The following TRAPPC3L variants were observed in gnomAD, a reference collection of about 807,000 sequenced individuals.
TRAPPC3L encodes trafficking protein particle complex subunit 3L.
Under a neutral mutation model 23.7 loss-of-function variants are expected in TRAPPC3L, and 23 were observed. The ratio of observed to expected loss-of-function variants is 0.97; its 90% CI spans 0.70 to 1.37. The LOEUF (loss-of-function observed/expected upper bound fraction) is 1.37. Among genes scored for constraint, TRAPPC3L ranks in the 40% most tolerant of loss-of-function variants. The pLI is 0.00. For missense variants in TRAPPC3L, 212 were observed against 216.8 expected, an observed-to-expected ratio of 0.98 and a Z score of 0.14; for synonymous variants, 81 against 77.9, an observed-to-expected ratio of 1.04 and a Z score of -0.21.
At chr6:116,498,782 C>T (rs1180688801) in intron 4 of TRAPPC3L, among the ~76,000 whole-genome samples, 3 of 152,188 alleles carry the variant, frequency 2.0e-5, no homozygotes, top group African/African-American at 7.2e-5. Context: ...GAAATGATCT[C>T]CTCTCTTGTT....
chr6:116,529,206 G>C (rs1772547608), intron 3 of TRAPPC3L: 1 of 152,190 alleles, frequency 6.6e-6, no homozygotes, highest in Non-Finnish European at 1.5e-5. Flanking sequence ...GAATGCCTGG[G>C]TTGCAAATCT....
intron 3 of TRAPPC3L, among the ~76,000 whole-genome samples, chr6:116,511,328 C>T (rs1772114977): frequency 6.6e-6 from 1 of 150,598 alleles, no homozygotes; most frequent in Non-Finnish European, 1.5e-5. Flanking sequence ...CGGCTGAAAC[C>T]TCTTTCTGTT....
chr6:116,509,931 A>T (rs2115162426), intron 3 of TRAPPC3L, among the ~76,000 whole-genome samples: 1 of 152,350 alleles, frequency 6.6e-6, no homozygotes, highest in South Asian at 2.1e-4. Context: ...TATGCATCTG[A>T]CAAAGGACTA....
intron 3 of TRAPPC3L, chr6:116,516,660 A>AATATATAT (rs57050552): frequency 3.4e-4 from 36 of 104,364 alleles, no homozygotes; most frequent in South Asian, 7.6e-4. Context: ...AGTAGTAACA[A>AATATATAT]ATATATATAT....
chr6:116,537,713 G>A (rs1039169476), intron 3 of TRAPPC3L, among the ~76,000 whole-genome samples: 1 of 152,140 alleles, frequency 6.6e-6, no homozygotes, highest in Non-Finnish European at 1.5e-5. Context: ...AGGAGCATTC[G>A]CAGGCTACCT....
intron 3 of TRAPPC3L, chr6:116,512,461 A>G (rs940323865): frequency 2.7e-5 from 14 of 525,654 alleles, no homozygotes; most frequent in Admixed American, 6.5e-5. Context: ...TGAAAAGAAA[A>G]TATCCACTGG....
chr6:116,514,921 A>C (rs75458266), intron 3 of TRAPPC3L, among the ~76,000 whole-genome samples: 1 of 152,206 alleles, frequency 6.6e-6, no homozygotes, highest in Non-Finnish European at 1.5e-5. Context: ...AGAGCCAAAA[A>C]AGTTAGAAGA....
chr6:116,537,695 G>A (rs1773186192), intron 3 of TRAPPC3L, among the ~76,000 whole-genome samples: 1 of 152,132 alleles, frequency 6.6e-6, no homozygotes, highest in Non-Finnish European at 1.5e-5. Flanking sequence ...AATGCATTGG[G>A]CAAGGTGAGG....
At chr6:116,510,155 T>A (rs895236398) in intron 3 of TRAPPC3L, among the ~76,000 whole-genome samples, 1 of 152,206 alleles carries the variant, frequency 6.6e-6, no homozygotes, top group Non-Finnish European at 1.5e-5. Flanking sequence ...ATAATGGCTA[T>A]TACTAAAAAG....
chr6:116,511,909 T>C (rs781319288), intron 3 of TRAPPC3L: 1 of 1,613,916 alleles, frequency 6.2e-7, no homozygotes, highest in Non-Finnish European at 8.5e-7. Flanking sequence ...TTCTGAACAA[T>C]AGGTCGTGGA....
chr6:116,541,149 G>C (rs1027761528), intron 2 of TRAPPC3L, among the ~76,000 whole-genome samples: 1 of 151,874 alleles, frequency 6.6e-6, no homozygotes, highest in Admixed American at 6.6e-5. Context: ...ACCTTCGATT[G>C]AGATGTGATT....
At chr6:116,502,972 G>A (rs1289715781) in intron 3 of TRAPPC3L, among the ~76,000 whole-genome samples, 2 of 151,910 alleles carry the variant, frequency 1.3e-5, no homozygotes, top group Admixed American at 1.3e-4. Flanking sequence ...TCAACTACTG[G>A]GCAAAATAAC....
intron 3 of TRAPPC3L, among the ~76,000 whole-genome samples, chr6:116,527,318 C>T (rs1772462481): frequency 6.6e-6 from 1 of 152,030 alleles, no homozygotes; most frequent in Admixed American, 6.5e-5. Flanking sequence ...GAGATCGAGA[C>T]CATCCTGGCT....
At chr6:116,538,507 T>C (rs1773231509) in intron 3 of TRAPPC3L, among the ~76,000 whole-genome samples, 1 of 152,190 alleles carries the variant, frequency 6.6e-6, no homozygotes, top group Non-Finnish European at 1.5e-5. Context: ...AAGATACATA[T>C]ACAAACATAT....
At chr6:116,512,469 T>C in intron 3 of TRAPPC3L, 1 of 513,382 alleles carries the variant, frequency 1.9e-6, no homozygotes, top group Admixed American at 3.3e-5. Flanking sequence ...AAATATCCAC[T>C]GGATTGTCCA....
rs370609773 is a variant in TRAPPC3L, at chr6:116,523,811, AC to A, written c.240+16551del. 6.0e-4 allele frequency: 91 copies of A among 152,356 alleles called. 3 individuals are homozygous for A. In the East Asian group the frequency reaches 7.3e-3, roughly 12 times the overall value. 9.4% of individuals were successfully genotyped at this position (152,356 alleles called of 1,614,324 possible). A position where few individuals can be genotyped will look rare whatever the true frequency, so the allele number is the denominator to read the frequency against. ...ACAAGGCAATTAGCACCACAAAAAA[AC>A]AACCAGGTACATCTAGATCTAACAG... is the stretch of plus-strand genomic sequence containing the variant. On this transcript the variant is annotated intron_variant, in intron 3 of 4. Coordinates refer to ENST00000368602, the MANE Select transcript of TRAPPC3L (RefSeq NM_001139444.3).
In TRAPPC3L at chr6:116,495,358, T is replaced by C. The variant is rs1284178665; in HGVS notation, c.*1596A>G. ...AATGACAGGATCTCATTCTTCTTTA[T>C]GGCTGAATAGTACTCCATTGTGTAT... On this transcript the variant is annotated 3_prime_UTR_variant, in exon 5 of 5. Coordinates refer to ENST00000368602, the MANE Select transcript of TRAPPC3L (RefSeq NM_001139444.3). The C allele has an allele frequency of 6.6e-6, 1 of 152,086 alleles. No homozygotes were observed. The highest frequency in any genetic ancestry group is 1.5e-5 in the Non-Finnish European group (1 of 68,022). 9.4% of individuals were successfully genotyped at this position (152,086 alleles called of 1,614,324 possible).
intron 3 of TRAPPC3L, 26 bp from the exon 4 acceptor site, chr6:116,500,692 A>G (rs748178326): frequency 9.4e-5 from 146 of 1,545,042 alleles, no homozygotes; most frequent in Non-Finnish European, 1.7e-6. Context: ...CAAAATTACT[A>G]AAACTTGGTC....
chr6:116,527,773 T>C (rs1048586571), intron 3 of TRAPPC3L, among the ~76,000 whole-genome samples: 3 of 152,238 alleles, frequency 2.0e-5, no homozygotes, highest in Non-Finnish European at 4.4e-5. Context: ...TAGATATTCA[T>C]GTGCTGGGAT....
Sources: gnomAD v4.1 joint callset for allele counts (sites outside exome capture counted in the v4.1 genomes callset) on GRCh38, gnomAD v4.1.1 for gene constraint, MANE v1.5 for transcripts, NCBI Gene and HGNC (gene_info 2026-07-23, HGNC 2026-07-21) for gene names.